The following ASB3 variants were observed in gnomAD, a reference collection of about 807,000 sequenced individuals.
The protein encoded by ASB3 is ankyrin repeat and SOCS box protein 3.
Under a neutral mutation model 54.5 loss-of-function variants are expected in ASB3, and 41 were observed. The ratio of observed to expected loss-of-function variants is 0.75; its 90% CI spans 0.59 to 0.98. ASB3 has a LOEUF of 0.98. ASB3 is among the 50% of genes least tolerant of loss of function. The pLI is 0.00. For synonymous variants in ASB3, 266 were observed against 221.2 expected, an observed-to-expected ratio of 1.20 and a Z score of -1.80; for missense variants, 733 against 620.0, an observed-to-expected ratio of 1.18 and a Z score of -1.94.
chr2:53,770,905 A>G (rs991945980), intron 1 of ASB3, among the ~76,000 whole-genome samples: 1 of 152,222 alleles, frequency 6.6e-6, no homozygotes, highest in African/African-American at 2.4e-5. Flanking sequence ...AAGCACCATT[A>G]CCATATACAG....
At chr2:53,767,834 G>C (rs921682223) in intron 1 of ASB3, 1 of 1,556,728 alleles carries the variant, frequency 6.4e-7, no homozygotes, top group African/African-American at 1.4e-5. Flanking sequence ...AGTCCCCGGC[G>C]GCGCGGCGAC....
At chr2:53,677,423 T>C (rs1428216873) in intron 9 of ASB3, among the ~76,000 whole-genome samples, 1 of 152,146 alleles carries the variant, frequency 6.6e-6, no homozygotes, top group African/African-American at 2.4e-5. Context: ...TACCCTAAGT[T>C]GTAACATGTT....
intron 8 of ASB3, among the ~76,000 whole-genome samples, chr2:53,695,014 C>A (rs867671106): frequency 6.6e-6 from 1 of 151,836 alleles, no homozygotes; most frequent in Admixed American, 6.6e-5. Context: ...TCAATTAGAC[C>A]CCCCCTACCA....
rs1454713232 is a variant in ASB3 at position 53,716,634 on chromosome 2, A to C, written c.714T>G (p.Pro238=). The C allele has an allele frequency of 6.2e-7, 1 of 1,614,088 alleles. No individual in the cohort carries two copies. Among genetic ancestry groups the C allele is most frequent in the East Asian group, 2.2e-5 (1 of 44,900 alleles). The stretch of plus-strand genomic sequence containing the variant: ...AACTGTCCTCATTACAGTAAAGATC[A>C]GGATCTGCCCCACTGGAGAGCAAAA... The part of the protein sequence containing the change: ...VELLLSSGAD[P]DLYCNEDSWQ... The change falls in exon 6 of 10, where the codon CCT becomes CCG. Residue 238 remains proline (P), a synonymous_variant. Coordinates refer to ENST00000263634, the MANE Select transcript of ASB3 (RefSeq NM_016115.5).
rs576175645 is a variant in ASB3 at position 53,684,476 on chromosome 2, TC to T, written c.1369+9407del. 1.9e-3 allele frequency among the ~76,000 whole-genome samples: 285 copies of T among 152,336 alleles called. No homozygotes were observed. In the Middle Eastern group the frequency reaches 0.031, roughly 16 times the overall value. On this transcript the variant is annotated intron_variant, in intron 9 of 9. Transcript: ENST00000263634. The stretch of plus-strand genomic sequence containing the variant: ...TCGATTTAGACGAACAGTTTTAGGA[TC>T]AGCCATAATGATTCTCATGGTTCTC...
chr2:53,675,663 T>G (rs948861983), intron 9 of ASB3, among the ~76,000 whole-genome samples: 2 of 152,244 alleles, frequency 1.3e-5, no homozygotes, highest in Non-Finnish European at 2.9e-5. Context: ...TATTTTTTCC[T>G]GATATCAATC....
Position 53,765,454 on chromosome 2 carries a change from T to A in ASB3, c.119A>T (p.Asp40Val). ...LKKGRSVDVADNRGWMPIHEA... is the reference protein window; with the variant it reads ...LKKGRSVDVAVNRGWMPIHEA... ...ATGAATTGGCATCCATCCCCTGTTATCAGCAACATCGACACTTCGGCCCTT... is the reference window on the plus strand; with the variant it reads ...ATGAATTGGCATCCATCCCCTGTTAACAGCAACATCGACACTTCGGCCCTT... The change falls in exon 2 of 10, where the codon GAT becomes GTT. Residue 40 changes from aspartate to valine, a missense_variant. Coordinates refer to ENST00000263634, the MANE Select transcript of ASB3 (RefSeq NM_016115.5). 6.2e-7 allele frequency: 1 copy of A among 1,614,140 alleles called. No individual in the cohort carries two copies. Among genetic ancestry groups the A allele is most frequent in the East Asian group, 2.2e-5 (1 of 44,904 alleles).
At chr2:53,680,111 G>A (rs1328045078) in intron 9 of ASB3, among the ~76,000 whole-genome samples, 1 of 152,048 alleles carries the variant, frequency 6.6e-6, no homozygotes, top group Admixed American at 6.6e-5. Flanking sequence ...TCCATGGTGC[G>A]TATGTACCAC....
intron 5 of ASB3, among the ~76,000 whole-genome samples, chr2:53,717,109 T>C (rs921028471): frequency 2.6e-5 from 4 of 152,214 alleles, no homozygotes; most frequent in Non-Finnish European, 4.4e-5. Context: ...ATTCATATCT[T>C]AGAATTCATT....
At chr2:53,726,687 T>C (rs140492276) in intron 5 of ASB3, among the ~76,000 whole-genome samples, 5,941 of 151,534 alleles carry the variant, frequency 0.039, 173 homozygotes, top group Middle Eastern at 0.066. Context: ...CACATATATA[T>C]ATATAGTTTT....
rs1674497995 is a variant in ASB3 at position 53,778,880 on chromosome 2, T to A, written c.-14+7941A>T. Among the ~76,000 whole-genome samples the A allele has an allele frequency of 1.3e-5, 2 of 152,242 alleles. 1 individual carries two copies. The highest frequency in any genetic ancestry group is 4.1e-4 in the South Asian group (2 of 4,832). On this transcript the variant is annotated intron_variant, in intron 1 of 9. Coordinates refer to ENST00000263634, the MANE Select transcript of ASB3 (RefSeq NM_016115.5). ...CAGATATCTCTTCAACATACTGATT[T>A]CCAATCTTTTAGGTAAATACCCAGA...
intron 1 of ASB3, among the ~76,000 whole-genome samples, chr2:53,783,354 C>A (rs1674761034): frequency 6.6e-6 from 1 of 152,034 alleles, no homozygotes; most frequent in Non-Finnish European, 1.5e-5. Flanking sequence ...TGTATTTTTT[C>A]TTTTTATATT....
chr2:53,759,095 T>C (rs1672997145), intron 2 of ASB3, among the ~76,000 whole-genome samples: 1 of 152,208 alleles, frequency 6.6e-6, no homozygotes, highest in Non-Finnish European at 1.5e-5. Flanking sequence ...CCAGAGAGTT[T>C]GGCAATCTCT....
chr2:53,720,919 C>G (rs1670666976), intron 5 of ASB3, among the ~76,000 whole-genome samples: 1 of 151,968 alleles, frequency 6.6e-6, no homozygotes, highest in South Asian at 2.1e-4. Context: ...GAGTTTGAGA[C>G]CAAATTGGCC....
At chr2:53,734,918 G>GTTTT (rs35847412) in intron 3 of ASB3, among the ~76,000 whole-genome samples, 5 of 119,674 alleles carry the variant, frequency 4.2e-5, no homozygotes, top group Admixed American at 1.8e-4. Context: ...CTTTATACAA[G>GTTTT]TTTTTTTTTT....
chr2:53,759,096 G>A (rs1317355069), intron 2 of ASB3, among the ~76,000 whole-genome samples: 2 of 152,170 alleles, frequency 1.3e-5, no homozygotes, highest in African/African-American at 4.8e-5. Context: ...CAGAGAGTTT[G>A]GCAATCTCTG....
At chr2:53,701,420 G>A (rs1320101346) in intron 7 of ASB3, among the ~76,000 whole-genome samples, 1 of 152,068 alleles carries the variant, frequency 6.6e-6, no homozygotes, top group Non-Finnish European at 1.5e-5. Context: ...GGCAGAACTG[G>A]GATAATGATA....
intron 9 of ASB3, among the ~76,000 whole-genome samples, chr2:53,679,671 C>A (rs1227495300): frequency 1.3e-5 from 2 of 152,216 alleles, no homozygotes. Flanking sequence ...TCTGCCACAA[C>A]CCTGAATCCT....
Position 53,681,894 on chromosome 2 carries a change from T to C in ASB3, c.1370-11204A>G, listed in dbSNP as rs866993862. 2.6e-5 allele frequency among the ~76,000 whole-genome samples: 4 copies of C among 152,064 alleles called. No homozygotes were observed. In the South Asian group the frequency reaches 8.3e-4, roughly 31 times the overall value. On this transcript the variant is annotated intron_variant, in intron 9 of 9. Coordinates refer to ENST00000263634, the MANE Select transcript of ASB3 (RefSeq NM_016115.5). ...AGGATTGCTGGCTGGGCGCGGTGGC[T>C]CATGCCTGTAATCCCAGCACTTTGG...
Sources: allele counts gnomAD v4.1 joint callset (sites outside exome capture counted in the v4.1 genomes callset), GRCh38; gene constraint gnomAD v4.1.1; transcripts MANE v1.5; gene names NCBI Gene and HGNC (gene_info 2026-07-23, HGNC 2026-07-21).